The following CACNA1H variants were observed in gnomAD, a reference collection of about 807,000 sequenced individuals.
CACNA1H encodes voltage-dependent T-type calcium channel subunit alpha-1H.
In CACNA1H, 149 loss-of-function variants were observed where a neutral mutation model predicts 192.5. The observed-to-expected ratio is 0.77, with a 90% CI of 0.68 to 0.89. The LOEUF is 0.89. CACNA1H is among the 40% of genes least tolerant of loss of function. The pLI is 0.00. For missense variants in CACNA1H, 4,257 were observed against 3,423.5 expected (o/e 1.24, Z -6.08); for synonymous variants, 2,202 against 1,475.2 (o/e 1.49, Z -11.29).
intron 31 of CACNA1H, 82 bp from the exon 32 acceptor site, chr16:1,217,837 A>G (rs1413951087): frequency 2.0e-6 from 3 of 1,484,836 alleles, no homozygotes; most frequent in Admixed American, 2.1e-5. Flanking sequence ...GGGCTCCCCA[A>G]GGGGCATGTG....
intron 2 of CACNA1H, among the ~76,000 whole-genome samples, chr16:1,166,818 C>T (rs1347684493): frequency 6.6e-6 from 1 of 152,228 alleles, no homozygotes; most frequent in African/African-American, 2.4e-5. Context: ...GTGTTTATCT[C>T]TTCACCGCTG....
At position 1,220,556 on chromosome 16, in the gene CACNA1H, G is replaced by A. The variant is rs770681199; in HGVS notation, c.6624G>A (p.Ala2208=). 9.8e-6 allele frequency: 15 copies of A among 1,530,750 alleles called. No homozygotes were observed. Among genetic ancestry groups the A allele is most frequent in the Admixed American group, 2.2e-5 (1 of 44,772 alleles). The allele number at this position is 1,530,750 out of a possible 1,614,324, so 94.8% of individuals were successfully genotyped here. Residue 2208 remains alanine, a synonymous_variant, in exon 35 of 35, where the codon GCG becomes GCA. Transcript: ENST00000348261. The part of the protein sequence containing the change: ...AEDEGSARPS[A]AEGGSTTLRR... ...ACGAGGGCTCTGCGCGGCCCTCCGC[G>A]GCAGAGGGCGGCAGCACCACACTGA...
At chr16:1,174,008 A>G (rs902383718) in intron 2 of CACNA1H, among the ~76,000 whole-genome samples, 1 of 152,062 alleles carries the variant, frequency 6.6e-6, no homozygotes, top group African/African-American at 2.4e-5. Context: ...CGTGCACAGT[A>G]GGGCCTCACA....
intron 2 of CACNA1H, among the ~76,000 whole-genome samples, chr16:1,169,759 G>A (rs886105263): frequency 1.1e-4 from 17 of 152,230 alleles, no homozygotes; most frequent in Admixed American, 3.9e-4. Flanking sequence ...TCCCAGGAAC[G>A]TTTGTCCGTC....
Position 1,207,061 on chromosome 16 carries a change from C to G in CACNA1H, c.2850C>G (p.Thr950=), listed in dbSNP as rs201667568. The G allele has an allele frequency of 1.9e-6, 3 of 1,603,228 alleles. No individual in the cohort carries two copies. The highest frequency in any genetic ancestry group is 2.2e-5 in the South Asian group (2 of 89,104). ...KFSLKTDTGD[T]VPDRKNFDSL... Reference sequence around the variant, plus strand: ...GCCTGAAGACAGACACCGGAGACACCGTGCCTGACAGGAAGAACTTCGACT... The same window carrying G: ...GCCTGAAGACAGACACCGGAGACACGGTGCCTGACAGGAAGAACTTCGACT... Residue 950 remains threonine (T), a synonymous_variant, in exon 13 of 35, where the codon ACC becomes ACG. Coordinates refer to ENST00000348261, the MANE Select transcript of CACNA1H (RefSeq NM_021098.3).
chr16:1,213,310 G>T (rs537840945), intron 26 of CACNA1H, among the ~76,000 whole-genome samples: 1 of 152,210 alleles, frequency 6.6e-6, no homozygotes, highest in Non-Finnish European at 1.5e-5. Context: ...CCCTTCATCA[G>T]TGTCTCAGCC....
At position 1,153,270 on chromosome 16, in the gene CACNA1H, G is replaced by A. The variant is rs1360291081; in HGVS notation, c.-219G>A. 6.9e-6 allele frequency: 1 copy of A among 145,130 alleles called. No individual in the cohort carries two copies. 9.0% of individuals were successfully genotyped at this position (145,130 alleles called of 1,614,324 possible). A position where few individuals can be genotyped will look rare whatever the true frequency, so the allele number is the denominator to read the frequency against. On this transcript the variant is annotated 5_prime_UTR_variant, in exon 1 of 35. Transcript: ENST00000348261. ...GCCGCCGCCGTCGCCTCCGCCGGGC[G>A]AGCCGGAGCCGGAGTCGAGCCGCGG...
chr16:1,214,206 G>A (rs1451594292), intron 27 of CACNA1H, among the ~76,000 whole-genome samples: 1 of 152,216 alleles, frequency 6.6e-6, no homozygotes, highest in African/African-American at 2.4e-5. Flanking sequence ...CTGGCAGGAC[G>A]TGAGCATCCG....
intron 2 of CACNA1H, among the ~76,000 whole-genome samples, chr16:1,177,178 G>A (rs779459848): frequency 1.4e-4 from 21 of 152,138 alleles, no homozygotes; most frequent in Non-Finnish European, 2.5e-4. Flanking sequence ...TCGGACTCTC[G>A]GACCCTTGGA....
intron 9 of CACNA1H, 79 bp from the exon 10 acceptor site, chr16:1,203,931 C>T (rs567452767): frequency 1.8e-5 from 19 of 1,064,698 alleles, no homozygotes; most frequent in Non-Finnish European, 2.5e-5. Flanking sequence ...CACCCCACCG[C>T]TCCTGTGTGT....
intron 9 of CACNA1H, among the ~76,000 whole-genome samples, chr16:1,203,690 C>T (rs1486044490): frequency 5.3e-5 from 8 of 152,214 alleles, no homozygotes; most frequent in East Asian, 1.9e-4. Flanking sequence ...TAAGTTCTGG[C>T]GGTTTTGCAA....
chr16:1,191,765 C>CGG (rs1966639503), intron 2 of CACNA1H, among the ~76,000 whole-genome samples: 1 of 82,712 alleles, frequency 1.2e-5, no homozygotes, highest in African/African-American at 5.1e-5. Flanking sequence ...CTCGGGGTCT[C>CGG]TGACCCAGCA....
chr16:1,164,990 C>A (rs957642971), intron 2 of CACNA1H, among the ~76,000 whole-genome samples: 2 of 152,134 alleles, frequency 1.3e-5, no homozygotes, highest in African/African-American at 2.4e-5. Context: ...CATGGGCTGA[C>A]CTCAGGGTGA....
chr16:1,215,281 C>T lies in CACNA1H; in HGVS notation c.5079C>T (p.Leu1693=), dbSNP rs1171372186. 1 of 1,608,258 alleles carries T rather than the reference C, an allele frequency of 6.2e-7. No homozygotes were observed. Among genetic ancestry groups the T allele is most frequent in the Non-Finnish European group, 8.5e-7 (1 of 1,177,826 alleles). ...ACCTGGCCATCGTGCTGCTGTCACT[C>T]ATGGGCATCACGCTGGAGGAGATAG... ...QLDLAIVLLS[L]MGITLEEIEM... Residue 1693 remains leucine, a synonymous_variant, in exon 29 of 35, where the codon CTC becomes CTT. Transcript: ENST00000348261.
rs1040617300 is a variant in CACNA1H, at chr16:1,202,082, C to T, written c.1632C>T (p.Gly544=). 38 of 1,541,918 alleles carry T rather than the reference C, an allele frequency of 2.5e-5. No individual in the cohort carries two copies. The highest frequency in any genetic ancestry group is 4.8e-5 in the South Asian group (4 of 83,936). ...CCCGCAGGCCCGGCCCCGAGCCAGG[C>T]GCCTGCGACACCAGGCTGGTCCGAG... is the stretch of plus-strand genomic sequence containing the variant. The part of the protein sequence containing the change: ...GSPRRPGPEP[G]ACDTRLVRAG... Residue 544 remains glycine, a synonymous_variant, in exon 9 of 35, where the codon GGC becomes GGT. Transcript: ENST00000348261.
chr16:1,205,138 G>C lies in CACNA1H; in HGVS notation c.2476G>C (p.Glu826Gln). The change falls in exon 11 of 35, where the codon GAG becomes CAG. Residue 826 changes from glutamate to glutamine, a missense_variant. Coordinates refer to ENST00000348261, the MANE Select transcript of CACNA1H (RefSeq NM_021098.3). ...GCCCGAGGAGCTGACTAATGCTCTGGAGATCAGCAACATCGTGTTCACCAG... is the reference window on the plus strand; with the variant it reads ...GCCCGAGGAGCTGACTAATGCTCTGCAGATCAGCAACATCGTGTTCACCAG... Reference protein sequence around the residue: ...EQPEELTNALEISNIVFTSMF... With the variant: ...EQPEELTNALQISNIVFTSMF... 1 of 1,612,594 alleles carries C rather than the reference G, an allele frequency of 6.2e-7. No individual in the cohort carries two copies. The highest frequency in any genetic ancestry group is 8.5e-7 in the Non-Finnish European group (1 of 1,179,778).
At chr16:1,216,626 G>T (rs1029642310) in intron 30 of CACNA1H, among the ~76,000 whole-genome samples, 1 of 152,254 alleles carries the variant, frequency 6.6e-6, no homozygotes, top group African/African-American at 2.4e-5. Flanking sequence ...AGAGTGTGGA[G>T]TGGGCTCTGG....
intron 2 of CACNA1H, among the ~76,000 whole-genome samples, chr16:1,188,490 A>G (rs112991024): frequency 2.3e-4 from 35 of 152,158 alleles, no homozygotes; most frequent in African/African-American, 8.2e-4. Context: ...GGTCTCCAGC[A>G]TCTTCGGCGC....
chr16:1,215,899 G>A (rs1164209687), intron 30 of CACNA1H, among the ~76,000 whole-genome samples: 1 of 152,128 alleles, frequency 6.6e-6, no homozygotes, highest in Non-Finnish European at 1.5e-5. Flanking sequence ...AGGTGGCCAA[G>A]GTGGGTGTGT....
Sources: gnomAD v4.1 joint callset for allele counts (sites outside exome capture counted in the v4.1 genomes callset) on GRCh38, gnomAD v4.1.1 for gene constraint, MANE v1.5 for transcripts, NCBI Gene and HGNC (gene_info 2026-07-23, HGNC 2026-07-21) for gene names.